MAP4: variants seen among roughly 807,000 people sequenced by gnomAD.
MAP4 encodes the protein microtubule-associated protein 4.
A neutral mutation model predicts 170.2 loss-of-function variants in MAP4; 76 were observed. The ratio of observed to expected loss-of-function variants is 0.45; its 90% confidence interval spans 0.37 to 0.54. The LOEUF is 0.54. Ranked by LOEUF, MAP4 falls within the 20% of genes least tolerant of loss-of-function variation. The probability of loss-of-function intolerance (pLI) is 0.00; values close to 1 mark genes in which losing one functional copy is unlikely to be tolerated. For missense variants in MAP4, 2,506 were observed against 2,748.0 expected (o/e 0.91, Z 1.97); for synonymous variants, 909 against 994.5 (o/e 0.91, Z 1.62).
At chr3:47,859,128 CA>C (rs1013464762) in intron 17 of MAP4, among the ~76,000 whole-genome samples, 50 of 146,372 alleles carry the variant, frequency 3.4e-4, no homozygotes, top group Non-Finnish European at 5.8e-4. Context: ...GACTCCGCCT[CA>C]AAAAAAAAAG....
intron 1 of MAP4, among the ~76,000 whole-genome samples, chr3:48,010,829 CTA>C (rs2100104862): frequency 6.6e-6 from 1 of 152,148 alleles, no homozygotes; most frequent in Non-Finnish European, 1.5e-5. Context: ...GCCTCCCAGC[CTA>C]TATCTTTCTC....
At chr3:47,923,215 A>G (rs1262044331) in intron 4 of MAP4, among the ~76,000 whole-genome samples, 1 of 151,974 alleles carries the variant, frequency 6.6e-6, no homozygotes, top group Non-Finnish European at 1.5e-5. Flanking sequence ...CCTGAGTGAC[A>G]CTAACACATC....
chr3:47,937,745 T>A lies in MAP4; in HGVS notation c.293-9395A>T, dbSNP rs28673790. ...AGCACAATCTCAGCTCACTGCAACCTCTGCCTCCCGGGTTCAAGCGATTCT... is the reference window on the plus strand; with the variant it reads ...AGCACAATCTCAGCTCACTGCAACCACTGCCTCCCGGGTTCAAGCGATTCT... On this transcript the variant is annotated intron_variant, in intron 3 of 20. Coordinates refer to ENST00000683076, the MANE Select transcript of MAP4 (RefSeq NM_001385682.1). 4.7e-3 allele frequency among the ~76,000 whole-genome samples: 669 copies of A among 142,438 alleles called. 5 individuals are homozygous for A. The highest frequency in any genetic ancestry group is 0.036 in the South Asian group (154 of 4,274). 93.4% of individuals were successfully genotyped at this position (142,438 alleles called of 152,430 possible). A position where few individuals can be genotyped will look rare whatever the true frequency, so the allele number is the denominator to read the frequency against.
chr3:48,056,201 C>T (rs1389372283), intron 1 of MAP4, among the ~76,000 whole-genome samples: 4 of 119,330 alleles, frequency 3.4e-5, no homozygotes, highest in Admixed American at 7.6e-5. Flanking sequence ...CCATGCCGTC[C>T]GGGAGGGAGG....
chr3:47,914,904 G>T lies in MAP4; in HGVS notation c.1912C>A (p.Pro638Thr). 1 of 1,613,906 alleles carries T rather than the reference G, an allele frequency of 6.2e-7. No homozygotes were observed. The highest frequency in any genetic ancestry group is 8.5e-7 in the Non-Finnish European group (1 of 1,179,938). ...VTGTGKKCSL[P>T]AEEDSVLEKL... ...TCTAACACAGAATCCTCCTCGGCCG[G>T]CAAGCTGCACTTTTTCCCCGTTCCT... Residue 638 changes from proline to threonine, a missense_variant, in exon 8 of 21, where the codon CCG (proline) becomes ACG (threonine). By Grantham distance (38) the Pro-to-Thr change is conservative. Around this residue, in one of 3 missense-constraint regions of MAP4, gnomAD observed 2,008 missense variants for 2,206.0 expected, o/e 0.91. Coordinates refer to ENST00000683076, the MANE Select transcript of MAP4 (RefSeq NM_001385682.1).
intron 5 of MAP4, 29 bp downstream of exon 5, chr3:47,921,736 C>A (rs2100042967): frequency 7.2e-7 from 1 of 1,390,458 alleles, no homozygotes; most frequent in Non-Finnish European, 1.0e-6. Flanking sequence ...TCCTTCCCTA[C>A]AGAATAAATC....
chr3:47,984,280 G>A (rs2100087234), intron 2 of MAP4, among the ~76,000 whole-genome samples: 1 of 152,072 alleles, frequency 6.6e-6, no homozygotes, highest in African/African-American at 2.4e-5. Flanking sequence ...TTACAAGTGT[G>A]AGTCACCATG....
At chr3:47,946,130 A>G (rs1446432096) in intron 3 of MAP4, among the ~76,000 whole-genome samples, 1 of 148,694 alleles carries the variant, frequency 6.7e-6, no homozygotes, top group Non-Finnish European at 1.5e-5. Context: ...GTTTTAGTAG[A>G]GATGGGGTTT....
intron 2 of MAP4, among the ~76,000 whole-genome samples, chr3:47,991,669 CT>C (rs879549636): frequency 6.2e-4 from 90 of 144,988 alleles, no homozygotes; most frequent in Non-Finnish European, 5.8e-4. Context: ...TCTGTCTTTT[CT>C]TTTTTTTTTT....
chr3:47,916,985 G>C lies in MAP4; in HGVS notation c.842C>G (p.Pro281Arg). 6.2e-7 allele frequency: 1 copy of C among 1,614,162 alleles called. No homozygotes were observed. The highest frequency in any genetic ancestry group is 1.1e-5 in the South Asian group (1 of 91,076). The change falls in exon 7 of 21, where the codon CCC becomes CGC. Residue 281 changes from proline (P) to arginine (R), a missense_variant. By Grantham distance (103) the Pro-to-Arg change is moderately radical (BLOSUM62 -2). This residue lies in a region of MAP4 where 2,008 missense variants were observed against 2,206.0 expected (regional missense o/e 0.91). Coordinates refer to ENST00000683076, the MANE Select transcript of MAP4 (RefSeq NM_001385682.1). ...EVALAKDMES[P>R]TKLDVTLAKD... Reference sequence around the variant, plus strand: ...GGCCAGTGTCACATCTAATTTGGTGGGTGATTCCATATCTTTAGCCAATGC... The same window carrying C: ...GGCCAGTGTCACATCTAATTTGGTGCGTGATTCCATATCTTTAGCCAATGC...
intron 1 of MAP4, among the ~76,000 whole-genome samples, chr3:48,034,105 A>G (rs761031886): frequency 1.2e-4 from 19 of 152,258 alleles, no homozygotes; most frequent in Non-Finnish European, 2.6e-4. Flanking sequence ...CTTTTTCTAC[A>G]TATCAGTAGT....
At chr3:48,038,842 C>T (rs2100120180) in intron 1 of MAP4, among the ~76,000 whole-genome samples, 2 of 152,152 alleles carry the variant, frequency 1.3e-5, no homozygotes, top group South Asian at 2.1e-4. Flanking sequence ...TGGCTCATGC[C>T]TGTAATCCCA....
chr3:47,997,017 T>C (rs2100096112), intron 2 of MAP4, among the ~76,000 whole-genome samples: 1 of 151,414 alleles, frequency 6.6e-6, no homozygotes, highest in South Asian at 2.1e-4. Flanking sequence ...AACACAACTA[T>C]GAAAAGATCA....
Position 47,852,657 on chromosome 3 carries a change from C to T in MAP4, c.*277G>A. On this transcript the variant is annotated 3_prime_UTR_variant, in exon 21 of 21. Transcript: ENST00000683076. ...CAGTGGCGCAGTGATGGGGCAAGACCAAAGCAGGGAGATGGGCCCAGGCTG... is the reference window on the plus strand; with the variant it reads ...CAGTGGCGCAGTGATGGGGCAAGACTAAAGCAGGGAGATGGGCCCAGGCTG... 8 of 1,275,344 alleles carry T rather than the reference C, an allele frequency of 6.3e-6. No homozygotes were observed. The highest frequency in any genetic ancestry group is 8.5e-6 in the Non-Finnish European group (8 of 945,188). The allele number at this position is 1,275,344 out of a possible 1,614,324, so 79.0% of individuals were successfully genotyped here.
intron 1 of MAP4, among the ~76,000 whole-genome samples, chr3:48,077,615 C>T (rs760041798): frequency 2.0e-5 from 3 of 151,756 alleles, no homozygotes; most frequent in Non-Finnish European, 4.4e-5. Context: ...GCTAGGATTA[C>T]AGGCATGTGC....
intron 3 of MAP4, chr3:47,975,400 G>C (rs1228192439): frequency 4.5e-6 from 7 of 1,557,092 alleles, no homozygotes; most frequent in Non-Finnish European, 5.2e-6. Context: ...GAAGTATAAC[G>C]ATGCTTAGGA....
chr3:47,879,512 C>A (rs1384806431), intron 10 of MAP4, among the ~76,000 whole-genome samples: 1 of 152,102 alleles, frequency 6.6e-6, no homozygotes, highest in Non-Finnish European at 1.5e-5. Flanking sequence ...ACCCAGTCTC[C>A]CCAAGTGTTG....
chr3:48,062,660 C>T (rs191864932), intron 1 of MAP4, among the ~76,000 whole-genome samples: 43 of 151,442 alleles, frequency 2.8e-4, no homozygotes, highest in South Asian at 8.3e-4. Context: ...TGGTGGTTCA[C>T]GCCTGTAATC....
chr3:47,958,626 C>T (rs908064584), intron 3 of MAP4, among the ~76,000 whole-genome samples: 1 of 151,726 alleles, frequency 6.6e-6, no homozygotes, highest in African/African-American at 2.4e-5. Context: ...AAGTGATTCT[C>T]TTGCCTCAGC....
Sources: gnomAD v4.1 joint callset for allele counts (sites outside exome capture counted in the v4.1 genomes callset) on GRCh38, gnomAD v4.1.1 for gene constraint, gnomAD v4.1.1 regional missense constraint, MANE v1.5 for transcripts, NCBI Gene and HGNC (gene_info 2026-07-23, HGNC 2026-07-21) for gene names.